The following ELP3 variants were observed in gnomAD, a reference collection of about 807,000 sequenced individuals.
ELP3 encodes elongator complex protein 3.
ELP3 carries 56 observed loss-of-function variants against 74.9 expected under a neutral mutation model. The observed-to-expected ratio is 0.75, with a 90% CI of 0.60 to 0.93. ELP3 has a LOEUF of 0.93. Ranked by LOEUF, ELP3 falls within the 40% of genes least tolerant of loss-of-function variation. The pLI, the probability that ELP3 is intolerant of heterozygous loss-of-function variation, is 0.00. For missense variants in ELP3, 573 were observed against 686.5 expected (o/e 0.83, Z 1.85); for synonymous variants, 222 against 239.8 (o/e 0.93, Z 0.68).
At chr8:28,180,200 C>T (rs749679147) in intron 14 of ELP3, among the ~76,000 whole-genome samples, 7 of 148,620 alleles carry the variant, frequency 4.7e-5, no homozygotes, top group Non-Finnish European at 1.1e-4. Context: ...TTTGCAGCCT[C>T]TAACACATGC....
intron 1 of ELP3, among the ~76,000 whole-genome samples, chr8:28,095,049 C>G (rs1811200619): frequency 1.3e-5 from 2 of 152,182 alleles, no homozygotes; most frequent in African/African-American, 2.4e-5. Flanking sequence ...GCCAGGGTCC[C>G]CTGTAATCTG....
At position 28,160,414 on chromosome 8, in the gene ELP3, G is replaced by C. The variant is rs200010642; in HGVS notation, c.1443G>C (p.Val481=). ...IVRELHVYGS[V]VPVSSRDPTK... ...GAGAGCTGCATGTGTATGGGAGTGT[G>C]GTCCCTGTGAGCAGCCGGGATCCTA... The change falls in exon 13 of 15, where the codon GTG becomes GTC. Residue 481 remains valine, a synonymous_variant. Transcript: ENST00000256398. 1.9e-6 allele frequency: 3 copies of C among 1,614,070 alleles called. No homozygotes were observed. The highest frequency in any genetic ancestry group is 2.5e-6 in the Non-Finnish European group (3 of 1,180,000).
intron 14 of ELP3, among the ~76,000 whole-genome samples, chr8:28,167,398 T>C (rs1008892384): frequency 1.3e-5 from 2 of 152,226 alleles, no homozygotes; most frequent in African/African-American, 4.8e-5. Context: ...AAACTACAAA[T>C]GGCTGAGATT....
chr8:28,150,996 A>G (rs1813621986), intron 10 of ELP3, among the ~76,000 whole-genome samples: 1 of 152,076 alleles, frequency 6.6e-6, no homozygotes, highest in South Asian at 2.1e-4. Context: ...GCTGGTCTCA[A>G]ACTTCTGGGC....
intron 14 of ELP3, among the ~76,000 whole-genome samples, chr8:28,168,176 A>G (rs1585738602): frequency 6.6e-6 from 1 of 152,220 alleles, no homozygotes; most frequent in East Asian, 1.9e-4. Context: ...ATCACAGACT[A>G]TGTTAATTAG....
chr8:28,101,952 C>T (rs1000927961), intron 3 of ELP3, among the ~76,000 whole-genome samples: 4 of 152,186 alleles, frequency 2.6e-5, no homozygotes, highest in Non-Finnish European at 5.9e-5. Context: ...ACTTAGCAAC[C>T]TTTCAGCCTG....
intron 10 of ELP3, among the ~76,000 whole-genome samples, chr8:28,153,579 A>G (rs1324591796): frequency 1.3e-5 from 2 of 152,192 alleles, no homozygotes; most frequent in East Asian, 3.9e-4. Context: ...GAGCAGGACA[A>G]CAGAGCATCA....
chr8:28,093,036 T>G, upstream of ELP3: 3 of 999,878 alleles, frequency 3.0e-6, no homozygotes, highest in Non-Finnish European at 4.6e-6. Flanking sequence ...TGCTACCCTG[T>G]TAGTTGCAAC....
At chr8:28,149,505 G>A (rs553630390) in intron 10 of ELP3, among the ~76,000 whole-genome samples, 22 of 152,080 alleles carry the variant, frequency 1.4e-4, no homozygotes, top group Non-Finnish European at 2.1e-4. Flanking sequence ...TTTAATGTTC[G>A]TGGGCTCCGT....
At chr8:28,106,967 G>A (rs1055537001) in intron 4 of ELP3, among the ~76,000 whole-genome samples, 184 bp downstream of exon 4, 2 of 152,170 alleles carry the variant, frequency 1.3e-5, no homozygotes, top group African/African-American at 4.8e-5. Context: ...GAATATATAA[G>A]GCCGGGCAAA....
chr8:28,154,230 C>T (rs1428303294), intron 10 of ELP3, among the ~76,000 whole-genome samples: 2 of 152,164 alleles, frequency 1.3e-5, no homozygotes, highest in Admixed American at 1.3e-4. Context: ...AAACATGCAT[C>T]AAACAAGGTT....
chr8:28,141,884 A>G (rs1813251574), intron 10 of ELP3, among the ~76,000 whole-genome samples: 1 of 152,224 alleles, frequency 6.6e-6, no homozygotes, highest in Non-Finnish European at 1.5e-5. Flanking sequence ...CAGATAGCAC[A>G]AAATAGTTAG....
intron 10 of ELP3, among the ~76,000 whole-genome samples, chr8:28,145,334 ACT>A (rs1199325160): frequency 6.6e-6 from 1 of 152,114 alleles, no homozygotes; most frequent in Admixed American, 6.5e-5. Flanking sequence ...AAGCACCCTG[ACT>A]CTGTTTAATT....
intron 11 of ELP3, among the ~76,000 whole-genome samples, chr8:28,156,631 A>G (rs1420775582): frequency 6.6e-6 from 1 of 152,196 alleles, no homozygotes; most frequent in African/African-American, 2.4e-5. Flanking sequence ...CTAAAGGGAT[A>G]AACCAGGAGT....
At chr8:28,120,964 T>C (rs2130429520) in intron 7 of ELP3, among the ~76,000 whole-genome samples, 2 of 152,352 alleles carry the variant, frequency 1.3e-5, no homozygotes, top group Middle Eastern at 3.4e-3. Flanking sequence ...AGTCAAGTAA[T>C]ATGAGTCTTC....
intron 7 of ELP3, among the ~76,000 whole-genome samples, chr8:28,119,569 G>T (rs1186926280): frequency 1.1e-4 from 9 of 80,978 alleles, no homozygotes; most frequent in Middle Eastern, 0.011. Flanking sequence ...AACTTGTGGC[G>T]TTTTATATAT....
intron 7 of ELP3, among the ~76,000 whole-genome samples, chr8:28,117,998 C>T (rs1006657791): frequency 7.9e-5 from 12 of 152,194 alleles, no homozygotes; most frequent in Non-Finnish European, 1.3e-4. Context: ...CCTTCTCTCT[C>T]ATCCTGCCCA....
At chr8:28,136,071 C>T (rs1812978791) in intron 9 of ELP3, among the ~76,000 whole-genome samples, 2 of 151,646 alleles carry the variant, frequency 1.3e-5, no homozygotes, top group South Asian at 2.1e-4. Flanking sequence ...AAGCAATTCT[C>T]GTGCCTCAGC....
At chr8:28,153,355 C>T (rs1813710619) in intron 10 of ELP3, among the ~76,000 whole-genome samples, 1 of 152,200 alleles carries the variant, frequency 6.6e-6, no homozygotes, top group Non-Finnish European at 1.5e-5. Flanking sequence ...TGCCACTTAT[C>T]AGATTAGTGA....
Sources: gnomAD v4.1 joint callset for allele counts (sites outside exome capture counted in the v4.1 genomes callset) on GRCh38, gnomAD v4.1.1 for gene constraint, MANE v1.5 for transcripts, NCBI Gene and HGNC (gene_info 2026-07-23, HGNC 2026-07-21) for gene names.